GLIS3: variants seen among roughly 807,000 people sequenced by gnomAD.
GLIS3 encodes zinc finger protein GLIS3.
A neutral mutation model predicts 78.6 loss-of-function variants in GLIS3; 53 were observed. The ratio of observed to expected loss-of-function variants is 0.67; its 90% CI spans 0.54 to 0.85. The LOEUF (loss-of-function observed/expected upper bound fraction) is 0.85, where lower values mean the gene tolerates loss of function less well. GLIS3 is among the 40% of genes least tolerant of loss of function. The probability of loss-of-function intolerance (pLI) is 0.00; values close to 1 mark genes in which losing one functional copy is unlikely to be tolerated. For missense variants in GLIS3, 1,703 were observed against 1,231.1 expected, an observed-to-expected ratio of 1.38 and a Z score of -5.74; for synonymous variants, 684 against 509.9, an observed-to-expected ratio of 1.34 and a Z score of -4.60.
At chr9:4,075,662 AT>A (rs1474707339) in intron 4 of GLIS3, among the ~76,000 whole-genome samples, 1 of 151,554 alleles carries the variant, frequency 6.6e-6, no homozygotes, top group African/African-American at 2.5e-5. Flanking sequence ...TTTTTAGGAT[AT>A]TTGCAAAAGA....
intron 2 of GLIS3, among the ~76,000 whole-genome samples, chr9:4,234,698 T>C (rs1347043010): frequency 5.3e-5 from 8 of 152,232 alleles, no homozygotes; most frequent in African/African-American, 1.4e-4. Context: ...GCAGGTTTGC[T>C]ACAAACCTTC....
chr9:4,436,517 C>A, the GLIS3 span, among the ~76,000 whole-genome samples: 120,732 of 151,960 alleles, frequency 0.79, 48,077 homozygotes, highest in Middle Eastern at 0.86. Flanking sequence ...CCTTAAGAGA[C>A]GGCAAGGACT....
the GLIS3 span, among the ~76,000 whole-genome samples, chr9:4,365,406 A>C: frequency 1.3e-5 from 2 of 152,040 alleles, no homozygotes; most frequent in African/African-American, 4.8e-5. Flanking sequence ...AAGTATAAAA[A>C]ATTAGCCTGG....
chr9:4,322,013 T>C (rs535597145), intron 2 of GLIS3, among the ~76,000 whole-genome samples: 2 of 152,270 alleles, frequency 1.3e-5, no homozygotes, highest in South Asian at 2.1e-4. Flanking sequence ...TTTCTCCTAA[T>C]GCTATCCCTC....
At chr9:3,857,383 G>C (rs1819863720) in intron 8 of GLIS3, among the ~76,000 whole-genome samples, 2 of 152,192 alleles carry the variant, frequency 1.3e-5, no homozygotes, top group African/African-American at 4.8e-5. Flanking sequence ...AAAAAGGGAA[G>C]ATGAACTAGT....
intron 2 of GLIS3, among the ~76,000 whole-genome samples, chr9:4,159,033 G>GAAAAAAAAAAAAAAAAAA (rs1315271767): frequency 2.3e-5 from 2 of 87,658 alleles, no homozygotes; most frequent in African/African-American, 8.1e-5. Flanking sequence ...AGGAGAAGAA[G>GAAAAAAAAAAAAAAAAAA]AAAAAAAAAA....
At chr9:3,915,877 A>G (rs1034245557) in intron 6 of GLIS3, among the ~76,000 whole-genome samples, 5 of 152,216 alleles carry the variant, frequency 3.3e-5, no homozygotes, top group African/African-American at 1.2e-4. Context: ...GGAAGGAAAA[A>G]TGCCATAAAA....
At chr9:3,985,815 G>C (rs1213245276) in intron 4 of GLIS3, among the ~76,000 whole-genome samples, 1 of 152,190 alleles carries the variant, frequency 6.6e-6, no homozygotes, top group Non-Finnish European at 1.5e-5. Context: ...TTTGTACAAA[G>C]TCAAACAATT....
chr9:4,402,362 CAGGTCCAGACTATG>C, the GLIS3 span, among the ~76,000 whole-genome samples: 2 of 152,182 alleles, frequency 1.3e-5, no homozygotes, highest in Admixed American at 6.5e-5. Flanking sequence ...CAGGCATAAA[CAGGTCCAGACTATG>C]AAGATTACAA....
At chr9:4,313,369 C>T (rs1817393407) in intron 2 of GLIS3, among the ~76,000 whole-genome samples, 1 of 152,168 alleles carries the variant, frequency 6.6e-6, no homozygotes. Flanking sequence ...GCCACCTCCC[C>T]CTCTCCATCT....
the GLIS3 span, among the ~76,000 whole-genome samples, chr9:4,375,923 G>A: frequency 7.2e-5 from 11 of 152,278 alleles, no homozygotes; most frequent in African/African-American, 2.4e-4. Flanking sequence ...CCAGTTTCTA[G>A]TGCCAGCTAC....
intron 2 of GLIS3, among the ~76,000 whole-genome samples, chr9:4,181,412 A>G (rs1179197702): frequency 6.6e-6 from 1 of 152,254 alleles, no homozygotes; most frequent in Non-Finnish European, 1.5e-5. Context: ...CAGGTAGTCC[A>G]GAATGACTGT....
chr9:4,350,804 G>T (rs1817960922), upstream of GLIS3, among the ~76,000 whole-genome samples: 1 of 151,998 alleles, frequency 6.6e-6, no homozygotes, highest in Admixed American at 6.5e-5. Flanking sequence ...GTTTTGTTTT[G>T]TTTTGTTTTT....
At chr9:3,902,537 A>G (rs958118964) in intron 6 of GLIS3, among the ~76,000 whole-genome samples, 1 of 152,254 alleles carries the variant, frequency 6.6e-6, no homozygotes, top group Non-Finnish European at 1.5e-5. Context: ...AGGAATAGTT[A>G]AAGAAGATAG....
intron 2 of GLIS3, among the ~76,000 whole-genome samples, chr9:4,167,582 C>T (rs559474193): frequency 2.6e-5 from 4 of 152,092 alleles, no homozygotes; most frequent in African/African-American, 7.2e-5. Context: ...TATATGCTTG[C>T]TGAATGAATG....
intron 4 of GLIS3, among the ~76,000 whole-genome samples, chr9:4,055,635 C>G (rs983157277): frequency 9.9e-5 from 15 of 152,184 alleles, no homozygotes; most frequent in African/African-American, 1.9e-4. Flanking sequence ...GCTGCATGTT[C>G]AAAGCCCCGC....
At chr9:4,243,983 C>A (rs1329412478) in intron 2 of GLIS3, among the ~76,000 whole-genome samples, 1 of 152,238 alleles carries the variant, frequency 6.6e-6, no homozygotes, top group Non-Finnish European at 1.5e-5. Context: ...TTGCTGAGAA[C>A]ATCTGGCCAT....
At position 4,284,948 on chromosome 9, in the gene GLIS3, T is replaced by C. The variant is rs558567495; in HGVS notation, c.388+1090A>G. On this transcript the variant is annotated intron_variant, in intron 2 of 10. Coordinates refer to ENST00000381971, the MANE Select transcript of GLIS3 (RefSeq NM_001042413.2). Reference sequence around the variant, plus strand: ...AATTTTCTAATTTAAAAGGCACATGTATGTTTAGTGCTATTTTTTTTTTAA... The same window carrying C: ...AATTTTCTAATTTAAAAGGCACATGCATGTTTAGTGCTATTTTTTTTTTAA... 4.0e-4 allele frequency among the ~76,000 whole-genome samples: 52 copies of C among 128,820 alleles called. No homozygotes were observed. In the South Asian group the frequency reaches 0.013, roughly 33 times the overall value. 84.5% of individuals were successfully genotyped at this position (128,820 alleles called of 152,430 possible). A position where few individuals can be genotyped will look rare whatever the true frequency, so the allele number is the denominator to read the frequency against.
At chr9:4,472,687 C>T in the GLIS3 span, among the ~76,000 whole-genome samples, 1 of 152,062 alleles carries the variant, frequency 6.6e-6, no homozygotes. Context: ...AGCACACCAA[C>T]ATGGCACATG....
Sources: allele counts gnomAD v4.1 joint callset (sites outside exome capture counted in the v4.1 genomes callset), GRCh38; gene constraint gnomAD v4.1.1; transcripts MANE v1.5; gene names NCBI Gene and HGNC (gene_info 2026-07-23, HGNC 2026-07-21).